SLA: variants seen among roughly 807,000 people sequenced by gnomAD.
The protein encoded by SLA is src-like-adapter.
A neutral mutation model predicts 30.3 loss-of-function variants in SLA; 16 were observed. That is an observed-to-expected ratio of 0.53 (90% CI 0.36 to 0.80). SLA has a LOEUF of 0.80. SLA is among the 30% of genes least tolerant of loss of function. SLA has a pLI of 0.01. For missense variants in SLA, 310 were observed against 345.2 expected, an observed-to-expected ratio of 0.90 and a Z score of 0.81; for synonymous variants, 143 against 137.8, an observed-to-expected ratio of 1.04 and a Z score of -0.26.
chr8:133,044,789 T>C (rs1838995202), intron 7 of SLA, among the ~76,000 whole-genome samples, 195 bp downstream of exon 7: 1 of 152,252 alleles, frequency 6.6e-6, no homozygotes, highest in South Asian at 2.1e-4. Flanking sequence ...TAGCTGCATT[T>C]GACTTATTAA....
chr8:133,045,298 G>C (rs1206634709), intron 6 of SLA, among the ~76,000 whole-genome samples, 183 bp from the exon 7 acceptor site: 1 of 151,626 alleles, frequency 6.6e-6, no homozygotes. Context: ...TCCCGTTAGA[G>C]ACTGCAGAAG....
intron 1 of SLA, among the ~76,000 whole-genome samples, chr8:133,098,362 A>G (rs1248867038): frequency 1.3e-5 from 2 of 152,256 alleles, no homozygotes; most frequent in African/African-American, 4.8e-5. Context: ...AAAGCAAGAG[A>G]AAGAAATGGA....
In SLA at chr8:133,074,911, G is replaced by A. The variant is rs544730692; in HGVS notation, c.-99C>T. 4.1e-6 allele frequency: 4 copies of A among 985,566 alleles called. No individual in the cohort carries two copies. The East Asian group carries it at 4.5e-4, about 112-fold the overall frequency. The allele number at this position is 985,566 out of a possible 1,614,324, so 61.1% of individuals were successfully genotyped here. On this transcript the variant is annotated 5_prime_UTR_variant, in exon 2 of 9. Coordinates refer to ENST00000338087, the MANE Select transcript of SLA (RefSeq NM_001045556.3). ...GTCTGCAGAGGGATTGCTGGGTGCA[G>A]AGTCACTGCCTCTCCGTCTGTCAAC...
chr8:133,086,949 G>T (rs1039451722), intron 1 of SLA, among the ~76,000 whole-genome samples: 1 of 152,054 alleles, frequency 6.6e-6, no homozygotes, highest in Non-Finnish European at 1.5e-5. Context: ...TTAGCATGCT[G>T]GCATTGAAAA....
chr8:133,053,205 C>T (rs1436386587), intron 3 of SLA, among the ~76,000 whole-genome samples: 1 of 152,190 alleles, frequency 6.6e-6, no homozygotes, highest in Non-Finnish European at 1.5e-5. Context: ...TGTACTAATT[C>T]TTCCTCTTGG....
chr8:133,038,457 G>C lies in SLA; in HGVS notation c.*67C>G. The C allele has an allele frequency of 7.6e-7, 1 of 1,314,428 alleles. No individual in the cohort carries two copies. Among genetic ancestry groups the C allele is most frequent in the Non-Finnish European group, 1.1e-6 (1 of 911,426 alleles). The allele number at this position is 1,314,428 out of a possible 1,614,324, so 81.4% of individuals were successfully genotyped here. ...CAGGGATCAGGGAACCTCGCTTTTCGCAAGATCCCAGGCAATAGTTGGAAC... is the reference window on the plus strand; with the variant it reads ...CAGGGATCAGGGAACCTCGCTTTTCCCAAGATCCCAGGCAATAGTTGGAAC... On this transcript the variant is annotated 3_prime_UTR_variant, in exon 9 of 9. Coordinates refer to ENST00000338087, the MANE Select transcript of SLA (RefSeq NM_001045556.3).
At chr8:133,093,692 T>C (rs974535697) in intron 1 of SLA, among the ~76,000 whole-genome samples, 5 of 152,192 alleles carry the variant, frequency 3.3e-5, no homozygotes, top group African/African-American at 1.2e-4. Context: ...CACATGTCCC[T>C]TCTTGAGCTT....
At chr8:133,068,679 C>T (rs966324429) in intron 2 of SLA, among the ~76,000 whole-genome samples, 5 of 152,186 alleles carry the variant, frequency 3.3e-5, no homozygotes, top group Non-Finnish European at 5.9e-5. Flanking sequence ...GTGACCCAGA[C>T]GTGTCAGTAC....
intron 2 of SLA, among the ~76,000 whole-genome samples, chr8:133,072,487 T>C (rs995390476): frequency 1.3e-5 from 2 of 152,226 alleles, no homozygotes; most frequent in Admixed American, 1.3e-4. Context: ...GATGGACAGA[T>C]AAATGTATGA....
At chr8:133,060,265 C>A (rs763320026) in intron 2 of SLA, 65 bp from the exon 3 acceptor site, 3 of 1,606,302 alleles carry the variant, frequency 1.9e-6, no homozygotes, top group Non-Finnish European at 2.6e-6. Flanking sequence ...GGAGAATGAC[C>A]CAGTTTAGAG....
chr8:133,096,347 CTCA>C, intron 1 of SLA: 1 of 1,614,186 alleles, frequency 6.2e-7, no homozygotes, highest in East Asian at 2.2e-5. Context: ...GGACGACGGG[CTCA>C]TCAACAGAGC....
intron 3 of SLA, among the ~76,000 whole-genome samples, chr8:133,058,863 G>A (rs1841937895): frequency 6.6e-6 from 1 of 152,298 alleles, no homozygotes; most frequent in South Asian, 2.1e-4. Context: ...TTGAGAAGGA[G>A]AGTTACTTCA....
At chr8:133,065,197 T>A (rs73361256) in intron 2 of SLA, among the ~76,000 whole-genome samples, 5,355 of 152,214 alleles carry the variant, frequency 0.035, 225 homozygotes, top group African/African-American at 0.098. Context: ...CCACAATTGG[T>A]CAGCAAGCAT....
chr8:133,059,034 G>C (rs1203089533), intron 3 of SLA: 1 of 457,682 alleles, frequency 2.2e-6, no homozygotes, highest in Non-Finnish European at 4.4e-6. Flanking sequence ...TTGTGAGGGA[G>C]CCACAGAAGT....
chr8:133,062,432 C>G (rs1842497190), intron 2 of SLA, among the ~76,000 whole-genome samples: 1 of 152,252 alleles, frequency 6.6e-6, no homozygotes, highest in Non-Finnish European at 1.5e-5. Context: ...TGACTCCAAC[C>G]CACATTCCCC....
chr8:133,094,444 G>T (rs1468056947), intron 1 of SLA, among the ~76,000 whole-genome samples: 1 of 151,930 alleles, frequency 6.6e-6, no homozygotes, highest in Non-Finnish European at 1.5e-5. Flanking sequence ...GTTTCACTGT[G>T]TTAGCCAGGA....
At chr8:133,092,256 A>AT (rs1847675117) in intron 1 of SLA, among the ~76,000 whole-genome samples, 1 of 152,244 alleles carries the variant, frequency 6.6e-6, no homozygotes, top group Admixed American at 6.5e-5. Flanking sequence ...ACTCCGAAGC[A>AT]ACTACAGTGA....
At chr8:133,060,234 C>T (rs375775477) in intron 2 of SLA, 34 bp from the exon 3 acceptor site, 171 of 1,612,696 alleles carry the variant, frequency 1.1e-4, no homozygotes, top group Middle Eastern at 1.6e-4. Flanking sequence ...GAAAGTCAAC[C>T]GTGCCCTGAG....
At chr8:133,039,238 A>C (rs1837695760) in intron 8 of SLA, among the ~76,000 whole-genome samples, 2 of 152,300 alleles carry the variant, frequency 1.3e-5, no homozygotes, top group South Asian at 4.1e-4. Flanking sequence ...AACTGCAATT[A>C]TTCTAACCCA....
Sources: gnomAD v4.1 joint callset for allele counts (sites outside exome capture counted in the v4.1 genomes callset) on GRCh38, gnomAD v4.1.1 for gene constraint, MANE v1.5 for transcripts, NCBI Gene and HGNC (gene_info 2026-07-23, HGNC 2026-07-21) for gene names.